Variants in CXCR4 observed in about 807,000 individuals in gnomAD.
CXCR4 encodes the protein C-X-C motif chemokine receptor 4.
In CXCR4, 6 loss-of-function variants were observed where a neutral mutation model predicts 22.4. The observed-to-expected ratio is 0.27, with a 90% confidence interval of 0.15 to 0.53. The LOEUF (loss-of-function observed/expected upper bound fraction) is 0.53. Ranked by LOEUF, CXCR4 falls within the 20% of genes least tolerant of loss-of-function variation. The probability of loss-of-function intolerance (pLI) is 0.96; values close to 1 mark genes in which losing one functional copy is unlikely to be tolerated. For missense variants in CXCR4, 300 were observed against 430.4 expected (o/e 0.70, Z 2.68); for synonymous variants, 155 against 171.7 (o/e 0.90, Z 0.76).
chr2:136,115,000 T>TA lies in CXCR4; in HGVS notation c.927dup (p.Lys310Ter). 1 of 1,614,162 alleles carries TA rather than the reference T, an allele frequency of 6.2e-7. No homozygotes were observed. The highest frequency in any genetic ancestry group is 8.5e-7 in the Non-Finnish European group (1 of 1,180,022). Reference sequence around the variant, plus strand: ...GTGAGTGCGTGCTGGGCAGAGGTTTTAAATTTGGCTCCAAGGAAAGCATAG... The same window carrying TA: ...GTGAGTGCGTGCTGGGCAGAGGTTTTAAAATTTGGCTCCAAGGAAAGCATAG... On this transcript the variant is annotated frameshift_variant, in exon 2 of 2. Transcript: ENST00000241393. LOFTEE classifies it high-confidence loss of function.
chr2:136,115,281 A>G lies in CXCR4; in HGVS notation c.647T>C (p.Leu216Pro), dbSNP rs2104916329. ...VGLILPGIVI[L>P]SCYCIIISKL... ...GGAGATGATAATGCAATAGCAGGAC[A>G]GGATGACAATACCAGGCAGGATAAG... is the stretch of plus-strand genomic sequence containing the variant. Residue 216 changes from leucine (L) to proline (P), a missense_variant, in exon 2 of 2, where the codon CTG becomes CCG. Transcript: ENST00000241393. This position sits in a 1 kb window ranked among gnomAD's most constrained non-coding sequence, Gnocchi z 6.4. 1 of 1,614,230 alleles carries G rather than the reference A, an allele frequency of 6.2e-7. No individual in the cohort carries two copies. The highest frequency in any genetic ancestry group is 8.5e-7 in the Non-Finnish European group (1 of 1,180,034).
intron 1 of CXCR4, chr2:136,116,285 C>G: frequency 8.8e-7 from 1 of 1,134,808 alleles, no homozygotes; most frequent in Non-Finnish European, 1.1e-6. Context: ...AAAGAGGCCA[C>G]TCCCAGGCGG....
intron 1 of CXCR4, chr2:136,116,157 G>A (rs2104918844): frequency 7.1e-7 from 1 of 1,410,984 alleles, no homozygotes; most frequent in Middle Eastern, 2.7e-4. Flanking sequence ...TCTTTGTTTA[G>A]AACAAAAGGG....
chr2:136,116,192 G>A (rs1372597532), intron 1 of CXCR4: 1 of 1,343,692 alleles, frequency 7.4e-7, no homozygotes, highest in Non-Finnish European at 9.6e-7. Context: ...GGGTTTCAAA[G>A]TCACATCTTG....
At position 136,115,631 on chromosome 2, in the gene CXCR4, C is replaced by T; in HGVS notation, c.297G>A (p.Val99=). 4 of 1,614,160 alleles carry T rather than the reference C, an allele frequency of 2.5e-6. No individual in the cohort carries two copies. The South Asian group carries it at 3.3e-5, about 13-fold the overall frequency. The change falls in exon 2 of 2, where the codon GTG becomes GTA. Residue 99 remains valine (V), a synonymous_variant. Transcript: ENST00000241393. This position sits in a 1 kb window ranked among gnomAD's most constrained non-coding sequence, Gnocchi z 6.4. The stretch of plus-strand genomic sequence containing the variant: ...GGAAGTTCCCAAAGTACCAGTTTGC[C>T]ACGGCATCAACTGCCCAGAAGGGAA... ...ITLPFWAVDA[V]ANWYFGNFLC...
intron 1 of CXCR4, chr2:136,116,226 T>G (rs1178396308): frequency 1.4e-5 from 17 of 1,243,612 alleles, no homozygotes; most frequent in Non-Finnish European, 1.7e-5. Context: ...CCCCGCCCAC[T>G]AGAGGGAAGA....
Position 136,115,223 on chromosome 2 carries a change from G to T in CXCR4, c.705C>A (p.Arg235=). The change falls in exon 2 of 2, where the codon CGC becomes CGA. Residue 235 remains arginine (R), a synonymous_variant. Transcript: ENST00000241393. The surrounding 1 kb of genome is among the most constrained non-coding windows in gnomAD (Gnocchi z 6.4). Reference sequence around the variant, plus strand: ...GGATGACTGTGGTCTTGAGGGCCTTGCGCTTCTGGTGGCCCTTGGAGTGTG... The same window carrying T: ...GGATGACTGTGGTCTTGAGGGCCTTTCGCTTCTGGTGGCCCTTGGAGTGTG... ...KLSHSKGHQK[R]KALKTTVILI... 6 of 1,614,206 alleles carry T rather than the reference G, an allele frequency of 3.7e-6. No individual in the cohort carries two copies. Among genetic ancestry groups the T allele is most frequent in the Non-Finnish European group, 5.1e-6 (6 of 1,180,020 alleles).
chr2:136,116,175 A>T (rs1684883282), intron 1 of CXCR4: 1 of 1,373,142 alleles, frequency 7.3e-7, no homozygotes, highest in Non-Finnish European at 9.5e-7. Flanking sequence ...GGGCACTGAG[A>T]CGCTGAGGGT....
intron 1 of CXCR4, among the ~76,000 whole-genome samples, chr2:136,116,457 C>T (rs189487718): frequency 1.1e-4 from 16 of 152,258 alleles, no homozygotes; most frequent in African/African-American, 3.9e-4. Context: ...AATTTTCCCA[C>T]GCCTGCCTAA....
At position 136,114,968 on chromosome 2, in the gene CXCR4, C is replaced by A; in HGVS notation, c.960G>T (p.Val320=). The change falls in exon 2 of 2, where the codon GTG becomes GTT. Residue 320 remains valine, a synonymous_variant. Coordinates refer to ENST00000241393, the MANE Select transcript of CXCR4 (RefSeq NM_003467.3). ...GGATCTTGAGGCTGGACCCTCTGCTCACAGAGGTGAGTGCGTGCTGGGCAG... is the reference window on the plus strand; with the variant it reads ...GGATCTTGAGGCTGGACCCTCTGCTAACAGAGGTGAGTGCGTGCTGGGCAG... The part of the protein sequence containing the change: ...KTSAQHALTS[V]SRGSSLKILS... 6.2e-7 allele frequency: 1 copy of A among 1,613,966 alleles called. No individual in the cohort carries two copies. Among genetic ancestry groups the A allele is most frequent in the East Asian group, 2.2e-5 (1 of 44,880 alleles).
rs755102336 is a variant in CXCR4, at chr2:136,114,920, T to C, written c.1008A>G (p.Gly336=). ...LKILSKGKRG[G]HSSVSTESES... ...CAGACTCAGTGGAAACAGATGAATG[T>C]CCACCTCGCTTTCCTTTGGAGAGGA... is the stretch of plus-strand genomic sequence containing the variant. The change falls in exon 2 of 2, where the codon GGA becomes GGG. Residue 336 remains glycine, a synonymous_variant. Transcript: ENST00000241393. 11 of 1,612,088 alleles carry C rather than the reference T, an allele frequency of 6.8e-6. No individual in the cohort carries two copies. Among genetic ancestry groups the C allele is most frequent in the East Asian group, 2.2e-5 (1 of 44,870 alleles).
At position 136,114,487 on chromosome 2, in the gene CXCR4, A is replaced by T. The variant is rs1573612959; in HGVS notation, c.*382T>A. On this transcript the variant is annotated 3_prime_UTR_variant, in exon 2 of 2. Transcript: ENST00000241393. ...TTTGGTTATAAGTGCCATCTTCTACAGCAAAATCACGTCTTAAGAACAGGA... is the reference window on the plus strand; with the variant it reads ...TTTGGTTATAAGTGCCATCTTCTACTGCAAAATCACGTCTTAAGAACAGGA... 1.6e-5 allele frequency: 4 copies of T among 248,268 alleles called. No individual in the cohort carries two copies. In the East Asian group the frequency reaches 2.4e-4, roughly 15 times the overall value. The allele number at this position is 248,268 out of a possible 1,614,324, so 15.4% of individuals were successfully genotyped here.
chr2:136,115,638 TCAAC>T lies in CXCR4; in HGVS notation c.286_289del (p.Val96MetfsTer71). The T allele has an allele frequency of 6.2e-7, 1 of 1,614,158 alleles. No homozygotes were observed. Among genetic ancestry groups the T allele is most frequent in the Non-Finnish European group, 8.5e-7 (1 of 1,180,026 alleles). ...CCCAAAGTACCAGTTTGCCACGGCA[TCAAC>T]TGCCCAGAAGGGAAGCGTGATGACA... On this transcript the variant is annotated frameshift_variant, in exon 2 of 2. Coordinates refer to ENST00000241393, the MANE Select transcript of CXCR4 (RefSeq NM_003467.3). LOFTEE classifies it high-confidence loss of function. This position sits in a 1 kb window ranked among gnomAD's most constrained non-coding sequence, Gnocchi z 6.4.
rs2104916277 is a variant in CXCR4, at chr2:136,115,268, G to A, written c.660C>T (p.Cys220=). The change falls in exon 2 of 2, where the codon TGC becomes TGT. Residue 220 remains cysteine (C), a synonymous_variant. Transcript: ENST00000241393. The surrounding 1 kb of genome is among the most constrained non-coding windows in gnomAD (Gnocchi z 6.4). ...LPGIVILSCY[C]IIISKLSHSK... The stretch of plus-strand genomic sequence containing the variant: ...AGTGTGACAGCTTGGAGATGATAAT[G>A]CAATAGCAGGACAGGATGACAATAC... 6.2e-7 allele frequency: 1 copy of A among 1,614,170 alleles called. No individual in the cohort carries two copies.
At position 136,118,096 on chromosome 2, in the gene CXCR4, G is replaced by A; in HGVS notation, c.-36C>T. Reference sequence around the variant, plus strand: ...GGTTCTCCAGATGCGGTGGCTACTGGAGCACTCAGGCCCTCGGCGTCACTT... The same window carrying A: ...GGTTCTCCAGATGCGGTGGCTACTGAAGCACTCAGGCCCTCGGCGTCACTT... On this transcript the variant is annotated 5_prime_UTR_variant, in exon 1 of 2. Transcript: ENST00000241393. The A allele has an allele frequency of 6.2e-7, 1 of 1,611,826 alleles. No homozygotes were observed. Among genetic ancestry groups the A allele is most frequent in the Non-Finnish European group, 8.5e-7 (1 of 1,178,334 alleles).
At position 136,115,652 on chromosome 2, in the gene CXCR4, G is replaced by T; in HGVS notation, c.276C>A (p.Pro92=). The T allele has an allele frequency of 2.5e-6, 4 of 1,614,232 alleles. No individual in the cohort carries two copies. The South Asian group carries it at 4.4e-5, about 18-fold the overall frequency. The change falls in exon 2 of 2, where the codon CCC becomes CCA. Residue 92 remains proline, a synonymous_variant. Transcript: ENST00000241393. The surrounding 1 kb of genome is among the most constrained non-coding windows in gnomAD (Gnocchi z 6.4). The part of the protein sequence containing the change: ...VADLLFVITL[P]FWAVDAVANW... Reference sequence around the variant, plus strand: ...TTGCCACGGCATCAACTGCCCAGAAGGGAAGCGTGATGACAAAGAGGAGGT... The same window carrying T: ...TTGCCACGGCATCAACTGCCCAGAATGGAAGCGTGATGACAAAGAGGAGGT...
Position 136,114,643 on chromosome 2 carries a change from G to C in CXCR4, c.*226C>G. On this transcript the variant is annotated 3_prime_UTR_variant, in exon 2 of 2. Coordinates refer to ENST00000241393, the MANE Select transcript of CXCR4 (RefSeq NM_003467.3). The stretch of plus-strand genomic sequence containing the variant: ...CTACAGTCCTACCACGAGACATACA[G>C]CAACTAAGAACTTGGCCACAGGTCC... 2.3e-6 allele frequency: 1 copy of C among 437,504 alleles called. No homozygotes were observed. Among genetic ancestry groups the C allele is most frequent in the Non-Finnish European group, 4.1e-6 (1 of 245,272 alleles). The allele number at this position is 437,504 out of a possible 1,614,324, so 27.1% of individuals were successfully genotyped here.
At chr2:136,117,439 G>A (rs1005714854) in intron 1 of CXCR4, 2 of 152,420 alleles carry the variant, frequency 1.3e-5, no homozygotes, top group Admixed American at 6.5e-5. Flanking sequence ...GATCGGCGCG[G>A]TGGGTCCACC....
Position 136,116,058 on chromosome 2 carries a change from G to A in CXCR4, c.16-146C>T, listed in dbSNP as rs1046318353. 2.5e-5 allele frequency: 38 copies of A among 1,547,386 alleles called. No individual in the cohort carries two copies. The African/African-American group carries it at 3.7e-4, about 15-fold the overall frequency. ...GAAGTAGTGGGCTAAGGGCACAAGA[G>A]AATTAATGTAGAATCCTACAACTCT... On this transcript the variant is annotated intron_variant, in intron 1 of 1. Coordinates refer to ENST00000241393, the MANE Select transcript of CXCR4 (RefSeq NM_003467.3).
Sources: allele counts gnomAD v4.1 joint callset (sites outside exome capture counted in the v4.1 genomes callset), GRCh38; gene constraint gnomAD v4.1.1; non-coding constraint Gnocchi (gnomAD v3.1); transcripts MANE v1.5; gene names NCBI Gene and HGNC (gene_info 2026-07-23, HGNC 2026-07-21).